DCDC1: variants seen among roughly 807,000 people sequenced by gnomAD.
DCDC1 encodes doublecortin domain containing 1, also known as doublecortin domain-containing protein 1.
In DCDC1, 200 loss-of-function variants were observed where a neutral mutation model predicts 178.3. That is an observed-to-expected ratio of 1.12 (90% confidence interval 1.00 to 1.26). The LOEUF is 1.26. Ranked by LOEUF, DCDC1 falls within the 50% of genes most tolerant of loss-of-function variation. The pLI is 0.00. For synonymous variants in DCDC1, 690 were observed against 604.8 expected (o/e 1.14, Z -2.07); for missense variants, 1,983 against 1,749.2 (o/e 1.13, Z -2.38).
chr11:31,292,544 C>G (rs1947307753), intron 6 of DCDC1, among the ~76,000 whole-genome samples: 1 of 152,032 alleles, frequency 6.6e-6, no homozygotes. Context: ...ATTCCATTTA[C>G]ATGAAATATC....
intron 8 of DCDC1, among the ~76,000 whole-genome samples, 188 bp downstream of exon 8, chr11:31,265,319 T>C (rs1392426449): frequency 6.6e-6 from 1 of 152,108 alleles, no homozygotes; most frequent in Non-Finnish European, 1.5e-5. Context: ...TCCAAACTTG[T>C]GTTGAAATAA....
intron 8 of DCDC1, among the ~76,000 whole-genome samples, chr11:31,250,415 C>CACACACATATATATATATATATATAT (rs1223526182): frequency 1.4e-5 from 1 of 73,672 alleles, no homozygotes; most frequent in African/African-American, 5.2e-5. Context: ...CACACACACA[C>CACACACATATATATATATATATATAT]ATATACATAT....
chr11:31,057,082 A>C (rs1427933609), intron 20 of DCDC1, among the ~76,000 whole-genome samples: 2 of 152,028 alleles, frequency 1.3e-5, no homozygotes, highest in Non-Finnish European at 2.9e-5. Context: ...AAATACAAAA[A>C]TTAGCCAGGC....
intron 9 of DCDC1, among the ~76,000 whole-genome samples, chr11:31,138,265 T>C (rs2136004050): frequency 6.6e-6 from 1 of 152,342 alleles, no homozygotes; most frequent in Admixed American, 6.5e-5. Flanking sequence ...CAAAGGATCA[T>C]GTATCTAAAT....
At chr11:31,350,615 T>G (rs1951021721) in intron 1 of DCDC1, among the ~76,000 whole-genome samples, 1 of 152,124 alleles carries the variant, frequency 6.6e-6, no homozygotes, top group African/African-American at 2.4e-5. Context: ...ACTGTCAACA[T>G]AAACTGTGAA....
chr11:31,219,333 C>A (rs1349936337), intron 9 of DCDC1, among the ~76,000 whole-genome samples: 1 of 152,028 alleles, frequency 6.6e-6, no homozygotes, highest in Non-Finnish European at 1.5e-5. Context: ...AAATAAGACT[C>A]ACTCTCACAA....
intron 1 of DCDC1, among the ~76,000 whole-genome samples, chr11:31,358,783 C>T (rs1259798468): frequency 2.0e-5 from 3 of 152,130 alleles, no homozygotes; most frequent in Non-Finnish European, 2.9e-5. Context: ...AGGATATGAA[C>T]AGACACTTCT....
chr11:30,872,038 T>C (rs1941630151), intron 38 of DCDC1, among the ~76,000 whole-genome samples: 1 of 152,058 alleles, frequency 6.6e-6, no homozygotes, highest in Admixed American at 6.6e-5. Flanking sequence ...AAGTTATATA[T>C]ATAAAGTGCA....
intron 6 of DCDC1, among the ~76,000 whole-genome samples, chr11:31,296,096 G>T (rs1947665787): frequency 6.6e-6 from 1 of 152,050 alleles, no homozygotes; most frequent in Non-Finnish European, 1.5e-5. Flanking sequence ...CAGTCAGCCA[G>T]CCAGCCAGCC....
chr11:31,033,133 G>C (rs906788801), intron 20 of DCDC1, among the ~76,000 whole-genome samples: 4 of 152,162 alleles, frequency 2.6e-5, no homozygotes, highest in Admixed American at 1.3e-4. Context: ...GCACAAGATT[G>C]TATGTTGTCT....
chr11:31,250,275 T>A (rs1253381042), intron 8 of DCDC1, among the ~76,000 whole-genome samples: 7 of 145,586 alleles, frequency 4.8e-5, no homozygotes, highest in Non-Finnish European at 1.5e-5. Flanking sequence ...TCAAAGAGAA[T>A]TATATTACTT....
chr11:31,338,186 C>A (rs1950366432), intron 1 of DCDC1, among the ~76,000 whole-genome samples: 1 of 152,148 alleles, frequency 6.6e-6, no homozygotes, highest in Non-Finnish European at 1.5e-5. Flanking sequence ...CCTACCTAGC[C>A]TAGCAGAATT....
At chr11:30,893,985 T>A (rs1336664026) in intron 35 of DCDC1, among the ~76,000 whole-genome samples, 1 of 152,190 alleles carries the variant, frequency 6.6e-6, no homozygotes, top group Non-Finnish European at 1.5e-5. Flanking sequence ...CCTTTGTACA[T>A]ATCCGCTGGG....
At chr11:30,882,292 G>C (rs933936183) in intron 36 of DCDC1, 2 of 152,184 alleles carry the variant, frequency 1.3e-5, no homozygotes, top group African/African-American at 4.8e-5. Context: ...AGTTCAAAAA[G>C]CGCAGCTTTT....
intron 9 of DCDC1, among the ~76,000 whole-genome samples, chr11:31,151,412 C>G (rs919731614): frequency 1.3e-5 from 2 of 152,088 alleles, no homozygotes; most frequent in Non-Finnish European, 2.9e-5. Flanking sequence ...AGCCTTTAAT[C>G]TAGGAGAATT....
At chr11:31,106,650 C>G in intron 13 of DCDC1, 147 bp downstream of exon 13, 1 of 631,942 alleles carries the variant, frequency 1.6e-6, no homozygotes, top group Non-Finnish European at 2.8e-6. Context: ...ACCAACAATA[C>G]TGCCTTGCAA....
intron 8 of DCDC1, among the ~76,000 whole-genome samples, chr11:31,257,757 A>C (rs1944513702): frequency 6.6e-6 from 1 of 151,402 alleles, no homozygotes; most frequent in Non-Finnish European, 1.5e-5. Flanking sequence ...AAAACCTGAG[A>C]TCCTAAATGC....
chr11:31,072,185 A>G (rs1036235029), intron 18 of DCDC1, among the ~76,000 whole-genome samples: 6 of 152,100 alleles, frequency 3.9e-5, no homozygotes, highest in Admixed American at 6.6e-5. Flanking sequence ...TTTTACAGTT[A>G]TTTTATATCT....
chr11:31,009,926 G>A (rs1033331060), intron 20 of DCDC1, among the ~76,000 whole-genome samples: 3 of 152,124 alleles, frequency 2.0e-5, no homozygotes, highest in African/African-American at 7.2e-5. Context: ...AAGCAAAGGG[G>A]GGAAAGCCCC....
Sources: allele counts gnomAD v4.1 joint callset (sites outside exome capture counted in the v4.1 genomes callset), GRCh38; gene constraint gnomAD v4.1.1; transcripts MANE v1.5; gene names NCBI Gene and HGNC (gene_info 2026-07-23, HGNC 2026-07-21).